CUX1: variants seen among roughly 807,000 people sequenced by gnomAD.
The protein encoded by CUX1 is protein CASP.
Under a neutral mutation model 158.8 loss-of-function variants are expected in CUX1, and 31 were observed. The ratio of observed to expected loss-of-function variants is 0.20; its 90% CI spans 0.15 to 0.26. The LOEUF (loss-of-function observed/expected upper bound fraction) is 0.26, where lower values mean the gene tolerates loss of function less well. Among genes scored for constraint, CUX1 ranks in the 10% least tolerant of loss-of-function variants. The pLI is 1.00. For missense variants in CUX1, 1,589 were observed against 2,014.6 expected, an observed-to-expected ratio of 0.79 and a Z score of 4.04; for synonymous variants, 879 against 862.1, an observed-to-expected ratio of 1.02 and a Z score of -0.34.
At chr7:102,091,260 T>C (rs1828555136) in intron 4 of CUX1, among the ~76,000 whole-genome samples, 1 of 152,218 alleles carries the variant, frequency 6.6e-6, no homozygotes, top group East Asian at 1.9e-4. Flanking sequence ...GTTACTGATA[T>C]GATAGCCATT....
At chr7:102,117,008 G>A (rs1225930940) in intron 8 of CUX1, among the ~76,000 whole-genome samples, 3 of 152,164 alleles carry the variant, frequency 2.0e-5, no homozygotes, top group Non-Finnish European at 4.4e-5. Context: ...AATCCAGCAT[G>A]CCCAGTGCTG....
chr7:102,239,691 C>G (rs1554534220), intron 23 of CUX1, 107 bp downstream of exon 23: 1 of 1,330,064 alleles, frequency 7.5e-7, no homozygotes, highest in Non-Finnish European at 1.0e-6. Context: ...GGAGGTGGGG[C>G]GCTGGGAGCT....
chr7:102,000,667 C>G (rs965547780), intron 2 of CUX1, among the ~76,000 whole-genome samples: 2 of 152,248 alleles, frequency 1.3e-5, no homozygotes, highest in African/African-American at 4.8e-5. Flanking sequence ...GGCCTTCACA[C>G]AACTGTTGCT....
chr7:101,909,969 A>T (rs1360214969), intron 1 of CUX1, among the ~76,000 whole-genome samples: 12 of 152,042 alleles, frequency 7.9e-5, no homozygotes, highest in Admixed American at 7.9e-4. Context: ...GCCCAGGCTG[A>T]AGTGCGGTGG....
At chr7:102,024,451 T>G (rs964331146) in intron 2 of CUX1, among the ~76,000 whole-genome samples, 1 of 152,160 alleles carries the variant, frequency 6.6e-6, no homozygotes, top group African/African-American at 2.4e-5. Context: ...CTCAGCCTCC[T>G]GAGTAACCTG....
intron 1 of CUX1, among the ~76,000 whole-genome samples, chr7:101,821,969 C>T (rs1448602631): frequency 6.6e-6 from 1 of 151,446 alleles, no homozygotes; most frequent in Non-Finnish European, 1.5e-5. Context: ...ATTCTCCTGC[C>T]TCAGCCTCCG....
intron 1 of CUX1, among the ~76,000 whole-genome samples, chr7:101,886,622 G>A (rs1800256181): frequency 6.6e-6 from 1 of 152,192 alleles, no homozygotes; most frequent in Non-Finnish European, 1.5e-5. Flanking sequence ...CCAGAAGAAA[G>A]GCTTAGGGTC....
intron 2 of CUX1, among the ~76,000 whole-genome samples, chr7:101,974,479 T>G (rs770180429): frequency 2.0e-5 from 3 of 152,204 alleles, no homozygotes; most frequent in Non-Finnish European, 4.4e-5. Flanking sequence ...TAATCCTAGC[T>G]TACAGGAAAT....
intron 2 of CUX1, among the ~76,000 whole-genome samples, chr7:101,999,168 C>T (rs1164730231): frequency 1.3e-5 from 2 of 151,594 alleles, no homozygotes; most frequent in Non-Finnish European, 2.9e-5. Context: ...GCAGCTGTCG[C>T]CTCCACTCTC....
intron 8 of CUX1, among the ~76,000 whole-genome samples, chr7:102,135,186 GC>G (rs1833763224): frequency 6.6e-6 from 1 of 152,070 alleles, no homozygotes; most frequent in Non-Finnish European, 1.5e-5. Flanking sequence ...CTGACAGCCT[GC>G]TAGTGACCGG....
chr7:102,011,992 A>G (rs1450807557), intron 2 of CUX1, among the ~76,000 whole-genome samples: 1 of 151,864 alleles, frequency 6.6e-6, no homozygotes, highest in African/African-American at 2.4e-5. Context: ...TATTTTTAGT[A>G]GAGACGGGGT....
chr7:102,248,249 G>C lies in CUX1; in HGVS notation c.3888-163G>C, dbSNP rs181655582. ...CCCGGAGGGGTGGGTGGTGACTCTG[G>C]AGAGGGGCTGCCCCGTGGCCCGAGG... On this transcript the variant is annotated intron_variant, in intron 23 of 23. Transcript: ENST00000292535. This position sits in a 1 kb window ranked among gnomAD's most constrained non-coding sequence, Gnocchi z 5.8. Among the ~76,000 whole-genome samples the C allele has an allele frequency of 1.3e-5, 2 of 152,318 alleles. No homozygotes were observed. Among genetic ancestry groups the C allele is most frequent in the East Asian group, 3.9e-4 (2 of 5,154 alleles).
intron 21 of CUX1, among the ~76,000 whole-genome samples, chr7:102,282,255 C>T (rs545452628): frequency 2.0e-5 from 3 of 152,262 alleles, no homozygotes; most frequent in East Asian, 1.9e-4. Context: ...GGGACAGTCA[C>T]GAAGACTGCA....
At chr7:101,966,327 CCTTAT>C (rs1811206932) in intron 2 of CUX1, among the ~76,000 whole-genome samples, 1 of 148,700 alleles carries the variant, frequency 6.7e-6, no homozygotes, top group Non-Finnish European at 1.5e-5. Flanking sequence ...TTTAAAGGAT[CCTTAT>C]CTTTTAGAGA....
intron 1 of CUX1, chr7:101,822,412 G>C (rs1792756602): frequency 6.6e-6 from 1 of 152,374 alleles, no homozygotes; most frequent in Admixed American, 6.5e-5. Context: ...TGATGGAGGA[G>C]AGTGGTCTTT....
intron 4 of CUX1, among the ~76,000 whole-genome samples, chr7:102,094,425 T>C (rs1175609065): frequency 1.1e-4 from 16 of 152,236 alleles, no homozygotes; most frequent in African/African-American, 3.9e-4. Flanking sequence ...GAATTTTCAT[T>C]TACAGTATAA....
In CUX1 at chr7:102,256,664, G is replaced by C. The variant is rs1348599971; in HGVS notation, c.*7622G>C. On this transcript the variant is annotated 3_prime_UTR_variant, in exon 24 of 24. Coordinates refer to ENST00000292535, the MANE Select transcript of CUX1 (RefSeq NM_181552.4). ...GGAGTTGCTGAGTTGAAGAATGCTC[G>C]CTTGAGGAGCTTCAGAGGAATCTTA... is the stretch of plus-strand genomic sequence containing the variant. 1 of 985,278 alleles carries C rather than the reference G, an allele frequency of 1.0e-6. No homozygotes were observed. The highest frequency in any genetic ancestry group is 1.7e-5 in the African/African-American group (1 of 57,222). The allele number at this position is 985,278 out of a possible 1,614,324, so 61.0% of individuals were successfully genotyped here.
chr7:101,858,783 A>G (rs773484805), intron 1 of CUX1, among the ~76,000 whole-genome samples: 1 of 147,354 alleles, frequency 6.8e-6, no homozygotes, highest in African/African-American at 2.5e-5. Context: ...CTCCTGCTTC[A>G]GCCTCCTGAG....
chr7:102,092,968 G>A (rs1254861785), intron 4 of CUX1, among the ~76,000 whole-genome samples: 12 of 149,598 alleles, frequency 8.0e-5, no homozygotes, highest in South Asian at 2.1e-4. Context: ...TCCTTTTCCC[G>A]GTTTCTCCAG....
Sources: allele counts gnomAD v4.1 joint callset (sites outside exome capture counted in the v4.1 genomes callset), GRCh38; gene constraint gnomAD v4.1.1; non-coding constraint Gnocchi (gnomAD v3.1); transcripts MANE v1.5; gene names NCBI Gene and HGNC (gene_info 2026-07-23, HGNC 2026-07-21).